The following RYR2 variants were observed in gnomAD, a reference collection of about 807,000 sequenced individuals.
RYR2 encodes cardiac muscle ryanodine receptor-calcium release channel.
Under a neutral mutation model 601.1 loss-of-function variants are expected in RYR2, and 227 were observed. That is an observed-to-expected ratio of 0.38 (90% CI 0.34 to 0.42). The LOEUF is 0.42. RYR2 is among the 10% of genes least tolerant of loss of function. The pLI is 1.00. For missense variants in RYR2, 4,646 were observed against 6,156.5 expected, an observed-to-expected ratio of 0.75 and a Z score of 8.21; for synonymous variants, 2,223 against 2,175.1, an observed-to-expected ratio of 1.02 and a Z score of -0.61.
intron 62 of RYR2, among the ~76,000 whole-genome samples, chr1:237,686,402 G>T (rs1255351937): frequency 1.3e-5 from 2 of 152,182 alleles, no homozygotes; most frequent in Non-Finnish European, 2.9e-5. Flanking sequence ...ACCTCTTGCA[G>T]CCTGGGTTGG....
chr1:237,307,850 T>C (rs1430145564), intron 2 of RYR2, among the ~76,000 whole-genome samples: 1 of 152,218 alleles, frequency 6.6e-6, no homozygotes, highest in Non-Finnish European at 1.5e-5. Flanking sequence ...TTTTAAAGTA[T>C]ACAATAACAA....
intron 56 of RYR2, among the ~76,000 whole-genome samples, chr1:237,664,837 A>G (rs1455340950): frequency 6.6e-6 from 1 of 152,174 alleles, no homozygotes; most frequent in Non-Finnish European, 1.5e-5. Context: ...GCAAGGAGAG[A>G]ATAATGACTT....
intron 1 of RYR2, among the ~76,000 whole-genome samples, chr1:237,204,603 C>T (rs1044755075): frequency 1.1e-4 from 16 of 152,158 alleles, no homozygotes; most frequent in African/African-American, 3.9e-4. Context: ...TCTCATCCAT[C>T]ACGCCTGGGA....
At chr1:237,781,409 A>G (rs945477174) in intron 88 of RYR2, among the ~76,000 whole-genome samples, 156 bp from the exon 89 acceptor site, 2 of 152,266 alleles carry the variant, frequency 1.3e-5, no homozygotes, top group African/African-American at 2.4e-5. Flanking sequence ...ATTGTAAAGT[A>G]TAACTATTTT....
intron 27 of RYR2, among the ~76,000 whole-genome samples, chr1:237,552,793 A>G (rs1254469518): frequency 1.3e-5 from 2 of 151,954 alleles, no homozygotes; most frequent in East Asian, 3.9e-4. Context: ...TAGATGGATG[A>G]TGTGGGTTGT....
rs774559907 is a variant in RYR2, at chr1:237,270,591, T to C, written c.143T>C (p.Phe48Ser). ...GAAGGATTTGGCAACAGACTTTGTT[T>C]CTTGGAGTCCACTTCCAATTCCAAG... ...AAEGFGNRLC[F>S]LESTSNSKNV... Residue 48 changes from phenylalanine (F) to serine (S), a missense_variant, in exon 2 of 105, where the codon TTC (phenylalanine) becomes TCC (serine). Physicochemically the swap from Phe to Ser is radical, Grantham distance 155. Coordinates refer to ENST00000366574, the MANE Select transcript of RYR2 (RefSeq NM_001035.3). The C allele has an allele frequency of 4.4e-6, 7 of 1,591,766 alleles. No individual in the cohort carries two copies. Among genetic ancestry groups the C allele is most frequent in the Non-Finnish European group, 8.6e-7 (1 of 1,168,470 alleles).
At chr1:237,246,360 T>G (rs1332681241) in intron 1 of RYR2, among the ~76,000 whole-genome samples, 1 of 152,204 alleles carries the variant, frequency 6.6e-6, no homozygotes, top group Non-Finnish European at 1.5e-5. Context: ...CTTCCCAAAG[T>G]GCTGAGATTA....
chr1:237,251,209 C>T (rs576871810), intron 1 of RYR2, among the ~76,000 whole-genome samples: 6 of 152,238 alleles, frequency 3.9e-5, no homozygotes, highest in African/African-American at 9.6e-5. Context: ...GACTCCATAT[C>T]GTCTTCAGCT....
intron 35 of RYR2, among the ~76,000 whole-genome samples, chr1:237,608,796 GTTTTTTTTTTTTT>G (rs33945891): frequency 8.4e-6 from 1 of 119,222 alleles, no homozygotes; most frequent in Admixed American, 9.2e-5. Context: ...AGACTGACCT[GTTTTTTTTTTTTT>G]TTTTTTTTTT....
At chr1:237,600,002 A>C (rs1158075708) in intron 34 of RYR2, among the ~76,000 whole-genome samples, 1 of 152,112 alleles carries the variant, frequency 6.6e-6, no homozygotes, top group Non-Finnish European at 1.5e-5. Flanking sequence ...ATAGTACAAA[A>C]AGTAATTACA....
intron 80 of RYR2, among the ~76,000 whole-genome samples, chr1:237,754,658 C>T (rs992876236): frequency 1.2e-4 from 19 of 152,096 alleles, no homozygotes; most frequent in African/African-American, 3.4e-4. Context: ...AAGCTTTAAG[C>T]GAAAGTTCCA....
intron 1 of RYR2, among the ~76,000 whole-genome samples, chr1:237,131,425 C>A (rs372119978): frequency 2.0e-5 from 3 of 152,008 alleles, no homozygotes; most frequent in Admixed American, 6.6e-5. Context: ...GGAGGGGGAA[C>A]AAGGCCCATT....
At position 237,590,909 on chromosome 1, in the gene RYR2, TGACAAA is replaced by T. The variant is rs1457097194; in HGVS notation, c.4086_4091del (p.Asp1362_Lys1363del). On this transcript the variant is annotated inframe_deletion, in exon 31 of 105. Transcript: ENST00000366574. ...ATGGCCATCTAGTGCCCGATCGTGT[TGACAAA>T]GACAAAGAAGCTACTAAACCAGAGT... is the stretch of plus-strand genomic sequence containing the variant. 5 of 1,613,708 alleles carry T rather than the reference TGACAAA, an allele frequency of 3.1e-6. No individual in the cohort carries two copies. The highest frequency in any genetic ancestry group is 4.2e-6 in the Non-Finnish European group (5 of 1,179,854).
At position 237,674,807 on chromosome 1, in the gene RYR2, C is replaced by T. The variant is rs777983238; in HGVS notation, c.8791C>T (p.Arg2931Cys). The T allele has an allele frequency of 5.0e-6, 8 of 1,611,426 alleles. No individual in the cohort carries two copies. Among genetic ancestry groups the T allele is most frequent in the Middle Eastern group, 1.7e-4 (1 of 6,054 alleles). Reference sequence around the variant, plus strand: ...CTATAGTTTCCTCCAACAACTCATTCGCTATGTGGATGAAGCCCATCAGTA... The same window carrying T: ...CTATAGTTTCCTCCAACAACTCATTTGCTATGTGGATGAAGCCCATCAGTA... ...FAYSFLQQLI[R>C]YVDEAHQYIL... The change falls in exon 60 of 105, where the codon CGC becomes TGC. Residue 2931 changes from arginine (R) to cysteine (C), a missense_variant. By Grantham distance (180) the Arg-to-Cys change is radical. Around this residue, in one of 17 missense-constraint regions of RYR2, gnomAD observed 1,497 missense variants for 1,842.6 expected, o/e 0.81. Transcript: ENST00000366574.
At chr1:237,656,125 A>T in intron 53 of RYR2, 141 bp downstream of exon 53, 1 of 616,408 alleles carries the variant, frequency 1.6e-6, no homozygotes, top group East Asian at 3.1e-5. Context: ...CCTTTAATTT[A>T]TAAAACGATA....
chr1:237,141,029 A>C (rs1673331185), intron 1 of RYR2, among the ~76,000 whole-genome samples: 1 of 152,252 alleles, frequency 6.6e-6, no homozygotes, highest in Admixed American at 6.5e-5. Context: ...TTTTTCTCAT[A>C]GAAAATCATT....
chr1:237,062,290 A>C (rs995265762), intron 1 of RYR2, among the ~76,000 whole-genome samples: 28 of 152,206 alleles, frequency 1.8e-4, no homozygotes, highest in African/African-American at 6.8e-4. Context: ...GGAATTTTTA[A>C]TGAAATAGCA....
chr1:237,224,079 C>T (rs760786993), intron 1 of RYR2, among the ~76,000 whole-genome samples: 11 of 151,986 alleles, frequency 7.2e-5, no homozygotes, highest in Non-Finnish European at 1.3e-4. Flanking sequence ...GTATTAATAA[C>T]AAGAGAAATG....
intron 1 of RYR2, among the ~76,000 whole-genome samples, chr1:237,058,567 A>G (rs554622651): frequency 6.6e-6 from 1 of 152,244 alleles, no homozygotes; most frequent in African/African-American, 2.4e-5. Flanking sequence ...AACAGAGCAT[A>G]TATCTTCATC....
Sources: allele counts gnomAD v4.1 joint callset (sites outside exome capture counted in the v4.1 genomes callset), GRCh38; gene constraint gnomAD v4.1.1; regional missense constraint gnomAD v4.1.1; transcripts MANE v1.5; gene names NCBI Gene and HGNC (gene_info 2026-07-23, HGNC 2026-07-21).